Variants in KCNIP4 observed in about 807,000 individuals in gnomAD.
The protein encoded by KCNIP4 is Kv channel-interacting protein 4.
In KCNIP4, 12 loss-of-function variants were observed where a neutral mutation model predicts 34.0. The ratio of observed to expected loss-of-function variants is 0.35; its 90% CI spans 0.23 to 0.57. KCNIP4 has a LOEUF of 0.57. Among genes scored for constraint, KCNIP4 ranks in the 20% least tolerant of loss-of-function variants. The pLI is 0.83. For synonymous variants in KCNIP4, 124 were observed against 102.2 expected (o/e 1.21, Z -1.29); for missense variants, 238 against 311.7 (o/e 0.76, Z 1.78).
intron 1 of KCNIP4, among the ~76,000 whole-genome samples, chr4:21,511,347 C>T (rs529545894): frequency 5.0e-3 from 181 of 35,884 alleles, no homozygotes; most frequent in African/African-American, 0.027. Context: ...CTCTTTAAAG[C>T]AATTTTATTT....
chr4:21,396,648 A>G (rs922574511), intron 1 of KCNIP4, among the ~76,000 whole-genome samples: 8 of 151,726 alleles, frequency 5.3e-5, no homozygotes, highest in Non-Finnish European at 5.9e-5. Context: ...GGTCTTGTCA[A>G]AGTAACCAAT....
chr4:20,848,003 A>C (rs915393292), intron 3 of KCNIP4, among the ~76,000 whole-genome samples: 9 of 152,122 alleles, frequency 5.9e-5, no homozygotes, highest in African/African-American at 1.9e-4. Flanking sequence ...ACCATGCTGT[A>C]AAACCCAAGT....
chr4:20,995,074 T>G (rs1577503415), intron 1 of KCNIP4, among the ~76,000 whole-genome samples: 1 of 152,356 alleles, frequency 6.6e-6, no homozygotes, highest in South Asian at 2.1e-4. Flanking sequence ...TATTTACACT[T>G]TTCCAGGCTT....
intron 1 of KCNIP4, among the ~76,000 whole-genome samples, chr4:21,452,771 GA>G (rs1046929366): frequency 1.2e-3 from 154 of 127,622 alleles, no homozygotes; most frequent in Middle Eastern, 4.5e-3. Context: ...TGCTATCTCT[GA>G]AAAAAAAAAA....
chr4:21,205,636 A>T (rs916151434), intron 1 of KCNIP4, among the ~76,000 whole-genome samples: 4 of 152,046 alleles, frequency 2.6e-5, no homozygotes, highest in Non-Finnish European at 5.9e-5. Flanking sequence ...ACAAATACTA[A>T]CTCCTTTGTT....
At chr4:21,131,374 G>T (rs1364285763) in intron 1 of KCNIP4, among the ~76,000 whole-genome samples, 1 of 152,096 alleles carries the variant, frequency 6.6e-6, no homozygotes. Flanking sequence ...TAGAAGTCAG[G>T]GCAGTCGGGT....
At chr4:21,136,163 C>T (rs75113015) in intron 1 of KCNIP4, among the ~76,000 whole-genome samples, 2,614 of 152,154 alleles carry the variant, frequency 0.017, 82 homozygotes, top group African/African-American at 0.059. Context: ...TTTCCGGATG[C>T]TTGCCGTGCC....
At chr4:20,946,290 A>T (rs756840240) in intron 1 of KCNIP4, among the ~76,000 whole-genome samples, 2 of 152,188 alleles carry the variant, frequency 1.3e-5, no homozygotes, top group Non-Finnish European at 2.9e-5. Flanking sequence ...ATTCAAATGA[A>T]ACCTTAAGGA....
chr4:20,892,583 C>A (rs1726043846), intron 1 of KCNIP4, among the ~76,000 whole-genome samples: 3 of 152,178 alleles, frequency 2.0e-5, no homozygotes. Flanking sequence ...CTCAGTCTCT[C>A]TCTCAATCAA....
intron 1 of KCNIP4, among the ~76,000 whole-genome samples, chr4:21,568,061 T>C (rs1295949861): frequency 6.6e-6 from 1 of 152,168 alleles, no homozygotes; most frequent in Non-Finnish European, 1.5e-5. Flanking sequence ...GTCATGAGTG[T>C]GCAACAATAT....
intron 3 of KCNIP4, among the ~76,000 whole-genome samples, chr4:20,820,571 G>T (rs1716978950): frequency 6.6e-6 from 1 of 152,214 alleles, no homozygotes; most frequent in Non-Finnish European, 1.5e-5. Flanking sequence ...GGGAACACCA[G>T]GGTGTGATCA....
At chr4:21,408,160 A>G (rs1171315111) in intron 1 of KCNIP4, among the ~76,000 whole-genome samples, 1 of 152,158 alleles carries the variant, frequency 6.6e-6, no homozygotes, top group South Asian at 2.1e-4. Flanking sequence ...GTATTTTTAA[A>G]CCAAAGGGCA....
At chr4:21,429,127 G>T (rs1028404812) in intron 1 of KCNIP4, among the ~76,000 whole-genome samples, 9 of 152,068 alleles carry the variant, frequency 5.9e-5, no homozygotes, top group Non-Finnish European at 1.5e-5. Context: ...TCTGTGCGCC[G>T]CCTATTCATT....
intron 1 of KCNIP4, among the ~76,000 whole-genome samples, chr4:21,186,581 G>A (rs1350543006): frequency 2.0e-5 from 3 of 151,950 alleles, no homozygotes; most frequent in Non-Finnish European, 4.4e-5. Context: ...AATTCAAATC[G>A]GCATCACTTA....
chr4:21,496,448 T>G (rs1732857550), intron 1 of KCNIP4, among the ~76,000 whole-genome samples: 1 of 152,126 alleles, frequency 6.6e-6, no homozygotes, highest in African/African-American at 2.4e-5. Context: ...TTAGCCCAAT[T>G]CTAATGACAG....
At position 20,906,123 on chromosome 4, in the gene KCNIP4, T is replaced by C. The variant is rs534696149; in HGVS notation, c.62-23414A>G. Among the ~76,000 whole-genome samples the C allele has an allele frequency of 6.1e-5, 8 of 130,638 alleles. No individual in the cohort carries two copies. The East Asian group carries it at 1.9e-3, about 31-fold the overall frequency. 85.7% of individuals were successfully genotyped at this position (130,638 alleles called of 152,430 possible). A position where few individuals can be genotyped will look rare whatever the true frequency, so the allele number is the denominator to read the frequency against. Reference sequence around the variant, plus strand: ...CTCTCTTTTTCTCTCTTTCTCTTCCTCTCTTTCTCTTTCTCTCTCTCTTGT... The same window carrying C: ...CTCTCTTTTTCTCTCTTTCTCTTCCCCTCTTTCTCTTTCTCTCTCTCTTGT... On this transcript the variant is annotated intron_variant, in intron 1 of 8. Transcript: ENST00000382152.
chr4:21,932,570 T>C (rs1384224028), intron 1 of KCNIP4, among the ~76,000 whole-genome samples: 2 of 152,084 alleles, frequency 1.3e-5, no homozygotes, highest in Non-Finnish European at 2.9e-5. Flanking sequence ...CTCTTTATAC[T>C]AGTAAAGCAT....
chr4:21,728,558 T>C (rs1715366533), intron 1 of KCNIP4, among the ~76,000 whole-genome samples: 2 of 152,284 alleles, frequency 1.3e-5, no homozygotes, highest in South Asian at 4.1e-4. Context: ...ATAATTCAAA[T>C]CATGCCACAC....
At chr4:21,048,782 T>A (rs545328449) in intron 1 of KCNIP4, among the ~76,000 whole-genome samples, 2 of 152,162 alleles carry the variant, frequency 1.3e-5, no homozygotes, top group Non-Finnish European at 2.9e-5. Flanking sequence ...CTATGCTAAC[T>A]GTAGGCCTAG....
Sources: gnomAD v4.1 joint callset for allele counts (sites outside exome capture counted in the v4.1 genomes callset) on GRCh38, gnomAD v4.1.1 for gene constraint, MANE v1.5 for transcripts, NCBI Gene and HGNC (gene_info 2026-07-23, HGNC 2026-07-21) for gene names.